PCDH11X: variants seen among roughly 807,000 people sequenced by gnomAD.
PCDH11X encodes the protein protocadherin 11 X-linked.
A neutral mutation model predicts 53.3 loss-of-function variants in PCDH11X; 18 were observed. The observed-to-expected ratio is 0.34, with a 90% confidence interval of 0.23 to 0.50. The LOEUF is 0.50. Ranked by LOEUF, PCDH11X falls within the 20% of genes least tolerant of loss-of-function variation. The pLI is 0.98. For missense variants in PCDH11X, 570 were observed against 1,032.4 expected (o/e 0.55, Z 6.14); for synonymous variants, 279 against 393.3 (o/e 0.71, Z 3.44).
intron 6 of PCDH11X, among the ~76,000 whole-genome samples, chrX:92,014,175 AC>A (rs887348485): frequency 4.0e-5 from 4 of 99,106 alleles, no homozygotes; most frequent in Admixed American, 1.1e-4. Context: ...AATAACTCAA[AC>A]AAATTTACAA....
At chrX:92,268,028 A>G (rs2067870504) in intron 8 of PCDH11X, among the ~76,000 whole-genome samples, 1 of 112,242 alleles carries the variant, frequency 8.9e-6, no homozygotes, top group South Asian at 3.7e-4. Context: ...CATTTCTAAC[A>G]CATAAAATTT....
At position 91,881,210 on chromosome X, in the gene PCDH11X, T is replaced by C. The variant is rs182021109; in HGVS notation, c.3033+1937T>C. On this transcript the variant is annotated intron_variant, in intron 6 of 10. Coordinates refer to ENST00000682573, the MANE Select transcript of PCDH11X (RefSeq NM_032968.5). ...TATTTTTCAAATATCCTCACTTTTT[T>C]GTTTTTTTAAAAATATTTTGTAATC... 7.5e-3 allele frequency among the ~76,000 whole-genome samples: 827 copies of C among 110,782 alleles called. 7 individuals carry two copies. Among genetic ancestry groups the C allele is most frequent in the African/African-American group, 0.026 (782 of 30,661 alleles).
chrX:91,814,167 A>G lies in PCDH11X; in HGVS notation c.-45+2872A>G, dbSNP rs77851755. Reference sequence around the variant, plus strand: ...ACGTATCCAATTAAAATAACTCCCCACTTTCCCTAATTTATACTTGTTCTT... The same window carrying G: ...ACGTATCCAATTAAAATAACTCCCCGCTTTCCCTAATTTATACTTGTTCTT... On this transcript the variant is annotated intron_variant, in intron 4 of 10. Coordinates refer to ENST00000682573, the MANE Select transcript of PCDH11X (RefSeq NM_032968.5). 2.3e-4 allele frequency among the ~76,000 whole-genome samples: 25 copies of G among 109,860 alleles called. No homozygotes were observed. In the East Asian group the frequency reaches 6.9e-3, roughly 30 times the overall value.
At chrX:92,050,022 G>T (rs1360184062) in intron 6 of PCDH11X, among the ~76,000 whole-genome samples, 1 of 112,118 alleles carries the variant, frequency 8.9e-6, no homozygotes, top group African/African-American at 3.2e-5. Flanking sequence ...TGATCTGCCC[G>T]CCTCGGCCTC....
rs1411942341 is a variant in PCDH11X at position 92,402,348 on chromosome X, C to T, written c.3343+14415C>T. Among the ~76,000 whole-genome samples the T allele has an allele frequency of 1.1e-4, 12 of 111,703 alleles. No homozygotes were observed. In the East Asian group the frequency reaches 2.5e-3, roughly 23 times the overall value. On this transcript the variant is annotated intron_variant, in intron 9 of 10. Transcript: ENST00000682573. ...TAGCCAAGGCAAATCTTAAAAAGAA[C>T]AAAGCAGGAGGCGTCACACTGCTCT...
At chrX:92,604,560 C>T (rs1192337330) in intron 10 of PCDH11X, among the ~76,000 whole-genome samples, 1 of 110,912 alleles carries the variant, frequency 9.0e-6, no homozygotes, top group African/African-American at 3.3e-5. Flanking sequence ...ACGGGGAAAC[C>T]GTGAAACACA....
chrX:92,562,463 C>G (rs1395433478), intron 10 of PCDH11X, among the ~76,000 whole-genome samples: 1 of 103,539 alleles, frequency 9.7e-6, no homozygotes, highest in Non-Finnish European at 2.0e-5. Flanking sequence ...TCAGTGTTAA[C>G]TCAAAAGTTC....
At chrX:92,020,405 C>T (rs896106212) in intron 6 of PCDH11X, among the ~76,000 whole-genome samples, 12 of 112,090 alleles carry the variant, frequency 1.1e-4, no homozygotes, top group African/African-American at 3.9e-4. Flanking sequence ...CCCCCACAGC[C>T]CAACACACCA....
intron 6 of PCDH11X, among the ~76,000 whole-genome samples, chrX:92,184,977 T>A (rs2066064649): frequency 3.6e-5 from 4 of 112,009 alleles, no homozygotes; most frequent in Non-Finnish European, 1.9e-5. Context: ...TTCTCCCAGA[T>A]AACTCATTGC....
At chrX:92,206,563 G>C (rs2066479887) in intron 7 of PCDH11X, among the ~76,000 whole-genome samples, 1 of 110,087 alleles carries the variant, frequency 9.1e-6, no homozygotes, top group Non-Finnish European at 1.9e-5. Context: ...TTTTGCTCTT[G>C]TTGCCCAGGT....
intron 9 of PCDH11X, among the ~76,000 whole-genome samples, chrX:92,418,455 G>T (rs913288834): frequency 2.7e-5 from 3 of 111,377 alleles, no homozygotes; most frequent in African/African-American, 9.8e-5. Context: ...GAGGAAAAAT[G>T]TTATTACAAA....
chrX:92,502,474 G>T (rs1034947038), intron 10 of PCDH11X, among the ~76,000 whole-genome samples: 5 of 109,325 alleles, frequency 4.6e-5, no homozygotes, highest in Non-Finnish European at 9.5e-5. Flanking sequence ...TTCAAACAGT[G>T]CTACAAGGCT....
chrX:92,564,851 A>G (rs776594689), intron 10 of PCDH11X, among the ~76,000 whole-genome samples: 1 of 111,051 alleles, frequency 9.0e-6, no homozygotes, highest in East Asian at 2.8e-4. Context: ...AATGTGAGAA[A>G]ATATTTGCAA....
At chrX:92,009,983 G>A (rs1272435343) in intron 6 of PCDH11X, among the ~76,000 whole-genome samples, 1 of 110,728 alleles carries the variant, frequency 9.0e-6, no homozygotes, top group Non-Finnish European at 1.9e-5. Context: ...GGGATTACAG[G>A]TGTGTGCCAC....
chrX:91,997,239 C>A (rs1202591228), intron 6 of PCDH11X, among the ~76,000 whole-genome samples: 1 of 109,357 alleles, frequency 9.1e-6, no homozygotes, highest in Non-Finnish European at 1.9e-5. Context: ...CTGGCAGGGA[C>A]TTCTAGTACT....
rs1474894888 is a variant in PCDH11X, at chrX:91,873,733, C to A, written c.541-3048C>A. Among the ~76,000 whole-genome samples the A allele has an allele frequency of 1.8e-4, 20 of 111,456 alleles. No homozygotes were observed. The Admixed American group carries it at 1.9e-3, about 11-fold the overall frequency. ...AAATTAAAACTTACATATTCGTTTT[C>A]CCAGATGTATTGTATTCATAAATTG... is the stretch of plus-strand genomic sequence containing the variant. On this transcript the variant is annotated intron_variant, in intron 5 of 10. Transcript: ENST00000682573.
intron 6 of PCDH11X, among the ~76,000 whole-genome samples, chrX:92,154,270 G>T (rs2065488886): frequency 9.0e-6 from 1 of 110,775 alleles, no homozygotes. Flanking sequence ...GATACTTCAG[G>T]ATAAGATATT....
chrX:92,266,943 C>A (rs2067845588), intron 8 of PCDH11X, among the ~76,000 whole-genome samples: 1 of 110,039 alleles, frequency 9.1e-6, no homozygotes, highest in Non-Finnish European at 1.9e-5. Flanking sequence ...CGAGGGTTCA[C>A]CATGTTGGCC....
chrX:92,227,953 A>G (rs1039258119), intron 7 of PCDH11X, among the ~76,000 whole-genome samples: 1 of 11,029 alleles, frequency 9.1e-5, no homozygotes. Context: ...TGATAATAAG[A>G]CAATTTTAAG....
Sources: allele counts gnomAD v4.1 joint callset (sites outside exome capture counted in the v4.1 genomes callset), GRCh38; gene constraint gnomAD v4.1.1; transcripts MANE v1.5; gene names NCBI Gene and HGNC (gene_info 2026-07-23, HGNC 2026-07-21).